The following SIPA1L3 variants were observed in gnomAD, a reference collection of about 807,000 sequenced individuals.
SIPA1L3 encodes signal-induced proliferation-associated 1-like protein 3.
SIPA1L3 carries 59 observed loss-of-function variants against 150.1 expected under a neutral mutation model. That is an observed-to-expected ratio of 0.39 (90% CI 0.32 to 0.49). The LOEUF is 0.49. Ranked by LOEUF, SIPA1L3 falls within the 20% of genes least tolerant of loss-of-function variation. The pLI is 0.86. For synonymous variants in SIPA1L3, 1,070 were observed against 1,077.6 expected (o/e 0.99, Z 0.14); for missense variants, 2,211 against 2,489.5 (o/e 0.89, Z 2.38).
chr19:37,983,436 A>G (rs558170082), intron 1 of SIPA1L3, among the ~76,000 whole-genome samples: 1 of 152,114 alleles, frequency 6.6e-6, no homozygotes, highest in Non-Finnish European at 1.5e-5. Context: ...TGAAATGTTA[A>G]AGCATCTGGC....
At chr19:37,990,630 T>C (rs915132971) in intron 1 of SIPA1L3, among the ~76,000 whole-genome samples, 22 of 152,240 alleles carry the variant, frequency 1.4e-4, no homozygotes, top group African/African-American at 5.3e-4. Context: ...TGGGCTAACG[T>C]GTCCTCTGCT....
intron 2 of SIPA1L3, among the ~76,000 whole-genome samples, chr19:38,056,806 G>A (rs958793545): frequency 2.0e-5 from 3 of 152,294 alleles, no homozygotes; most frequent in South Asian, 2.1e-4. Context: ...GCCCACACCT[G>A]TAATTCCAAC....
chr19:38,092,387 A>G (rs988768568), intron 4 of SIPA1L3, among the ~76,000 whole-genome samples: 5 of 151,586 alleles, frequency 3.3e-5, no homozygotes, highest in African/African-American at 1.2e-4. Flanking sequence ...AAAAAAACCC[A>G]GACTATGTCA....
intron 13 of SIPA1L3, among the ~76,000 whole-genome samples, chr19:38,157,832 C>T (rs186730668): frequency 6.6e-6 from 1 of 152,226 alleles, no homozygotes; most frequent in African/African-American, 2.4e-5. Context: ...CCAGGGATAC[C>T]GGGTGAGCCA....
intron 10 of SIPA1L3, among the ~76,000 whole-genome samples, chr19:38,132,584 C>CA (rs375027167): frequency 0.53 from 57,658 of 108,064 alleles, 13,966 homozygotes; most frequent in East Asian, 0.69. Context: ...AGCTACGTCT[C>CA]AAAAAAAAAA....
intron 1 of SIPA1L3, among the ~76,000 whole-genome samples, chr19:38,020,799 G>GT (rs992211662): frequency 5.3e-5 from 8 of 150,564 alleles, no homozygotes; most frequent in East Asian, 1.9e-4. Context: ...TCATCTCTGA[G>GT]TTTTTTTTGT....
At chr19:38,003,719 C>G (rs1183227991) in intron 1 of SIPA1L3, among the ~76,000 whole-genome samples, 1 of 152,212 alleles carries the variant, frequency 6.6e-6, no homozygotes, top group Non-Finnish European at 1.5e-5. Context: ...GTGGCGGTTT[C>G]TCTTCCATCC....
intron 1 of SIPA1L3, among the ~76,000 whole-genome samples, chr19:38,003,470 T>A (rs1429736122): frequency 1.3e-5 from 2 of 152,246 alleles, no homozygotes; most frequent in African/African-American, 4.8e-5. Context: ...CACTTCTGAA[T>A]GATTCCGGCT....
intron 2 of SIPA1L3, among the ~76,000 whole-genome samples, chr19:38,067,771 A>AAG (rs1969629095): frequency 6.7e-6 from 1 of 150,138 alleles, no homozygotes; most frequent in East Asian, 1.9e-4. Flanking sequence ...GAAAAAAAAA[A>AAG]AAAGAAAGAA....
At chr19:37,961,963 A>G (rs1209562963) in intron 1 of SIPA1L3, among the ~76,000 whole-genome samples, 1 of 151,630 alleles carries the variant, frequency 6.6e-6, no homozygotes, top group Non-Finnish European at 1.5e-5. Context: ...TCTAATTTCT[A>G]TTTATTATTT....
chr19:37,980,749 G>A (rs1448104677), intron 1 of SIPA1L3, among the ~76,000 whole-genome samples: 1 of 152,204 alleles, frequency 6.6e-6, no homozygotes, highest in Non-Finnish European at 1.5e-5. Context: ...TTTCTCTGTG[G>A]CCAAGTACAC....
At chr19:38,157,523 G>A (rs536660620) in intron 13 of SIPA1L3, among the ~76,000 whole-genome samples, 19 of 152,290 alleles carry the variant, frequency 1.2e-4, no homozygotes, top group Non-Finnish European at 2.4e-4. Context: ...GAGTGTGAGC[G>A]TTTCCCAGGC....
chr19:38,107,651 C>A (rs961837510), intron 7 of SIPA1L3, among the ~76,000 whole-genome samples: 10 of 152,172 alleles, frequency 6.6e-5, no homozygotes, highest in African/African-American at 2.2e-4. Context: ...ATATTGATTT[C>A]CTAAGGTTCA....
intron 1 of SIPA1L3, among the ~76,000 whole-genome samples, chr19:37,950,018 A>G (rs1165005824): frequency 7.0e-6 from 1 of 142,768 alleles, no homozygotes; most frequent in Admixed American, 7.4e-5. Flanking sequence ...CAGAGGTTGC[A>G]GTGAGCCAAG....
intron 1 of SIPA1L3, among the ~76,000 whole-genome samples, chr19:37,989,350 G>C (rs1432119698): frequency 1.3e-5 from 2 of 152,046 alleles, no homozygotes; most frequent in South Asian, 2.1e-4. Flanking sequence ...CTCCTGAGTA[G>C]CTGAGACTAC....
At chr19:38,034,599 C>T (rs1968737759) in intron 2 of SIPA1L3, among the ~76,000 whole-genome samples, 1 of 152,140 alleles carries the variant, frequency 6.6e-6, no homozygotes. Context: ...AAGGGCAGAG[C>T]CCAGCAGTGT....
intron 15 of SIPA1L3, among the ~76,000 whole-genome samples, chr19:38,178,086 GGTGTGTGTGTGTGTGT>G (rs765404105): frequency 0.035 from 4,530 of 130,966 alleles, 102 homozygotes; most frequent in African/African-American, 0.065. Context: ...GCAGGCTTTT[GGTGTGTGTGTGTGTGT>G]GTGTGTGTGT....
intron 2 of SIPA1L3, among the ~76,000 whole-genome samples, chr19:38,073,062 G>A (rs1423258620): frequency 6.6e-6 from 1 of 152,236 alleles, no homozygotes; most frequent in Non-Finnish European, 1.5e-5. Context: ...CTTGCAACCG[G>A]AGTGGCCGTG....
rs557190593 is a variant in SIPA1L3 at position 38,151,945 on chromosome 19, G to GAGCAAGACCCC, written c.3534-893_3534-883dup. ...CCACTGCACTCCAGCCTGGTTGACA[G>GAGCAAGACCCC]AGCAAGACCCCATCTCAAAAAAAAA... On this transcript the variant is annotated intron_variant, in intron 12 of 21. Coordinates refer to ENST00000222345, the MANE Select transcript of SIPA1L3 (RefSeq NM_015073.3). Among the ~76,000 whole-genome samples the GAGCAAGACCCC allele has an allele frequency of 2.1e-3, 258 of 124,046 alleles. 2 individuals carry two copies. The highest frequency in any genetic ancestry group is 0.013 in the Middle Eastern group (2 of 152). The allele number at this position is 124,046 out of a possible 152,430, so 81.4% of individuals were successfully genotyped here.
Sources: gnomAD v4.1 joint callset for allele counts (sites outside exome capture counted in the v4.1 genomes callset) on GRCh38, gnomAD v4.1.1 for gene constraint, MANE v1.5 for transcripts, NCBI Gene and HGNC (gene_info 2026-07-23, HGNC 2026-07-21) for gene names.